The following NREP variants were observed in gnomAD, a reference collection of about 807,000 sequenced individuals.
NREP encodes the protein neuronal regeneration-related protein.
NREP carries 5 observed loss-of-function variants against 8.6 expected under a neutral mutation model. The ratio of observed to expected loss-of-function variants is 0.58; its 90% confidence interval spans 0.30 to 1.22. The LOEUF is 1.22. NREP is among the 50% of genes most tolerant of loss of function. The pLI, the probability that NREP is intolerant of heterozygous loss-of-function variation, is 0.07. For synonymous variants in NREP, 27 were observed against 28.0 expected, an observed-to-expected ratio of 0.96 and a Z score of 0.11; for missense variants, 86 against 82.5, an observed-to-expected ratio of 1.04 and a Z score of -0.17.
intron 2 of NREP, among the ~76,000 whole-genome samples, chr5:111,849,910 A>G (rs1014507948): frequency 3.3e-5 from 5 of 152,126 alleles, no homozygotes; most frequent in African/African-American, 1.2e-4. Flanking sequence ...ACCTTAGACT[A>G]TGAGATGGAA....
intron 2 of NREP, among the ~76,000 whole-genome samples, chr5:111,804,006 T>C (rs1291883506): frequency 6.6e-6 from 1 of 152,162 alleles, no homozygotes; most frequent in Non-Finnish European, 1.5e-5. Context: ...GTCCCTTTTT[T>C]CCCTGGATCT....
At chr5:111,854,273 G>A (rs1753375932) in intron 2 of NREP, among the ~76,000 whole-genome samples, 1 of 152,196 alleles carries the variant, frequency 6.6e-6, no homozygotes, top group African/African-American at 2.4e-5. Flanking sequence ...GGGCTCAGCA[G>A]TTCTTCATGC....
chr5:111,917,315 T>C (rs1755090684), intron 2 of NREP, among the ~76,000 whole-genome samples: 1 of 152,126 alleles, frequency 6.6e-6, no homozygotes, highest in African/African-American at 2.4e-5. Flanking sequence ...TCTGAAACTA[T>C]TCCAAACAAT....
intron 2 of NREP, among the ~76,000 whole-genome samples, chr5:111,772,855 T>C (rs986235100): frequency 6.6e-6 from 1 of 152,220 alleles, no homozygotes; most frequent in East Asian, 1.9e-4. Context: ...GATGCTGTGT[T>C]TCATAGCATG....
intron 1 of NREP, 60 bp downstream of exon 1, chr5:111,757,076 G>A: frequency 2.8e-6 from 1 of 361,242 alleles, no homozygotes; most frequent in Non-Finnish European, 3.9e-6. Flanking sequence ...CAACGGCAAG[G>A]AATCGACACA....
At chr5:111,848,528 G>C (rs1464819403) in intron 2 of NREP, among the ~76,000 whole-genome samples, 1 of 152,100 alleles carries the variant, frequency 6.6e-6, no homozygotes, top group Non-Finnish European at 1.5e-5. Context: ...GTGCTGTCTA[G>C]ACAAGTATAC....
At chr5:111,915,507 A>C (rs1185575685) in intron 2 of NREP, among the ~76,000 whole-genome samples, 2 of 151,990 alleles carry the variant, frequency 1.3e-5, no homozygotes, top group Non-Finnish European at 2.9e-5. Context: ...TGGAAACCGG[A>C]ACTCAAAAGC....
chr5:111,909,133 T>C (rs1386746034), intron 2 of NREP, among the ~76,000 whole-genome samples: 1 of 152,002 alleles, frequency 6.6e-6, no homozygotes, highest in African/African-American at 2.4e-5. Flanking sequence ...GACCTTTCTC[T>C]GATGCATAGT....
chr5:111,960,124 G>A (rs563096982), intron 2 of NREP, among the ~76,000 whole-genome samples: 1 of 152,182 alleles, frequency 6.6e-6, no homozygotes, highest in South Asian at 2.1e-4. Flanking sequence ...TATAAAAATA[G>A]CTCATTCTAT....
intron 2 of NREP, among the ~76,000 whole-genome samples, chr5:111,781,879 G>C (rs1332099471): frequency 6.6e-6 from 1 of 152,070 alleles, no homozygotes; most frequent in Non-Finnish European, 1.5e-5. Flanking sequence ...CAAACTTCAA[G>C]GATAGCCAAT....
Position 111,741,824 on chromosome 5 carries a change from TACAC to T in NREP, c.4-6321_4-6318del, listed in dbSNP as rs112980817. On this transcript the variant is annotated intron_variant, in intron 2 of 3. Coordinates refer to ENST00000257435, the MANE Select transcript of NREP (RefSeq NM_004772.4). ...CACTGACCTAATTTAAACACACACA[TACAC>T]ACACACACACACACACACACACACA... 4.5e-3 allele frequency among the ~76,000 whole-genome samples: 329 copies of T among 73,480 alleles called. 1 individual carries two copies. Among genetic ancestry groups the T allele is most frequent in the African/African-American group, 9.2e-3 (228 of 24,888 alleles). The allele number at this position is 73,480 out of a possible 152,430, so 48.2% of individuals were successfully genotyped here.
chr5:111,935,063 G>A (rs1342609427), intron 2 of NREP, among the ~76,000 whole-genome samples: 1 of 152,056 alleles, frequency 6.6e-6, no homozygotes. Flanking sequence ...AAAGCTTTTA[G>A]TAACTATTTT....
At chr5:111,885,623 G>C (rs1754222215) in intron 2 of NREP, among the ~76,000 whole-genome samples, 1 of 152,082 alleles carries the variant, frequency 6.6e-6, no homozygotes, top group African/African-American at 2.4e-5. Flanking sequence ...CCAAAACAGA[G>C]ATATAGATCA....
chr5:111,855,859 A>G (rs1753414730), intron 2 of NREP, among the ~76,000 whole-genome samples: 1 of 152,150 alleles, frequency 6.6e-6, no homozygotes, highest in Non-Finnish European at 1.5e-5. Flanking sequence ...TGCACACCAA[A>G]TGTAGCTTGG....
At chr5:111,830,436 T>C (rs958998595) in intron 2 of NREP, among the ~76,000 whole-genome samples, 1 of 152,172 alleles carries the variant, frequency 6.6e-6, no homozygotes, top group Non-Finnish European at 1.5e-5. Context: ...GAGGAAAACA[T>C]TGTGGCTTTC....
intron 2 of NREP, among the ~76,000 whole-genome samples, chr5:111,736,130 C>G (rs1285307147): frequency 6.6e-6 from 1 of 152,098 alleles, no homozygotes; most frequent in Non-Finnish European, 1.5e-5. Context: ...CTGAGTAACT[C>G]TTCTTTAAAT....
intron 2 of NREP, among the ~76,000 whole-genome samples, chr5:111,890,896 T>A (rs1461543725): frequency 6.6e-6 from 1 of 152,238 alleles, no homozygotes; most frequent in Non-Finnish European, 1.5e-5. Flanking sequence ...TGAGGCCTTT[T>A]TCCCATTATC....
chr5:111,859,142 T>C (rs1410450651), intron 2 of NREP, among the ~76,000 whole-genome samples: 2 of 152,124 alleles, frequency 1.3e-5, no homozygotes, highest in Non-Finnish European at 2.9e-5. Flanking sequence ...AAGAGGTCAT[T>C]CCCAGTACTT....
chr5:111,783,321 C>T (rs1751536790), intron 2 of NREP, among the ~76,000 whole-genome samples: 1 of 152,158 alleles, frequency 6.6e-6, no homozygotes, highest in Non-Finnish European at 1.5e-5. Flanking sequence ...ATTTTGATTT[C>T]CTTAAATGGT....
Sources: allele counts gnomAD v4.1 joint callset (sites outside exome capture counted in the v4.1 genomes callset), GRCh38; gene constraint gnomAD v4.1.1; transcripts MANE v1.5; gene names NCBI Gene and HGNC (gene_info 2026-07-23, HGNC 2026-07-21).